Variants in ESCO2 observed in about 807,000 individuals in gnomAD.
The protein encoded by ESCO2 is establishment of sister chromatid cohesion N-acetyltransferase 2.
Under a neutral mutation model 61.7 loss-of-function variants are expected in ESCO2, and 51 were observed. The observed-to-expected ratio is 0.83, with a 90% CI of 0.66 to 1.04. The LOEUF (loss-of-function observed/expected upper bound fraction) is 1.04, where lower values mean the gene tolerates loss of function less well. Ranked by LOEUF, ESCO2 falls within the 50% of genes least tolerant of loss-of-function variation. The pLI is 0.00. For synonymous variants in ESCO2, 230 were observed against 238.2 expected (o/e 0.97, Z 0.32); for missense variants, 692 against 686.2 (o/e 1.01, Z -0.09).
At chr8:27,787,852 G>A (rs1805080904) in intron 5 of ESCO2, 33 bp from the exon 6 acceptor site, 3 of 1,539,364 alleles carry the variant, frequency 1.9e-6, no homozygotes, top group African/African-American at 1.4e-5. Flanking sequence ...CTCCAAAATT[G>A]TAAATTTATA....
downstream of ESCO2, chr8:27,811,085 T>A (rs1441842371): frequency 6.2e-7 from 1 of 1,613,694 alleles, no homozygotes; most frequent in African/African-American, 1.3e-5. Flanking sequence ...CCACAGCTTC[T>A]TTGGGTTTCC....
At chr8:27,789,781 C>CA (rs905844657) in intron 7 of ESCO2, among the ~76,000 whole-genome samples, 4,544 of 56,166 alleles carry the variant, frequency 0.081, 152 homozygotes, top group African/African-American at 0.14. Flanking sequence ...AACTCCATCT[C>CA]AAAAAAAAAA....
At chr8:27,788,625 C>T (rs1805103474) in intron 6 of ESCO2, among the ~76,000 whole-genome samples, 1 of 152,000 alleles carries the variant, frequency 6.6e-6, no homozygotes, top group Non-Finnish European at 1.5e-5. Flanking sequence ...TCCCAAAGTG[C>T]CGAGATTACA....
downstream of ESCO2, among the ~76,000 whole-genome samples, chr8:27,814,633 A>C (rs1585422729): frequency 6.6e-6 from 1 of 152,250 alleles, no homozygotes; most frequent in African/African-American, 2.4e-5. Context: ...TTTCCAATAT[A>C]ATTTACAACT....
chr8:27,789,102 A>C, intron 7 of ESCO2, 124 bp downstream of exon 7: 1 of 1,211,376 alleles, frequency 8.3e-7, no homozygotes, highest in Non-Finnish European at 1.2e-6. Context: ...CAAGCTTACT[A>C]TCTCAATTTA....
At chr8:27,772,128 TA>T (rs1804642908), upstream of ESCO2, 1 of 252,408 alleles carries the variant, frequency 4.0e-6, no homozygotes, top group Admixed American at 5.5e-5. Flanking sequence ...TCACAGGGGA[TA>T]ATTACAAGGG....
At chr8:27,797,923 T>C (rs532244421) in intron 9 of ESCO2, among the ~76,000 whole-genome samples, 1 of 152,348 alleles carries the variant, frequency 6.6e-6, no homozygotes, top group Non-Finnish European at 1.5e-5. Context: ...TAGACTGTTA[T>C]GTCCTGATAA....
At chr8:27,793,307 T>G (rs1805218928) in intron 9 of ESCO2, among the ~76,000 whole-genome samples, 1 of 152,066 alleles carries the variant, frequency 6.6e-6, no homozygotes, top group African/African-American at 2.4e-5. Flanking sequence ...TCAGCTTTAT[T>G]AAGGTATAAC....
chr8:27,809,312 T>C (rs1374131725), downstream of ESCO2, among the ~76,000 whole-genome samples: 3 of 152,242 alleles, frequency 2.0e-5, no homozygotes, highest in East Asian at 1.9e-4. Context: ...TACAATCTTA[T>C]ACCAAAAGGC....
rs1008179419 is a variant in ESCO2, at chr8:27,805,075, G to A, written c.*1637G>A. 9 of 111,514 alleles carry A rather than the reference G, an allele frequency of 8.1e-5. 2 individuals carry two copies. The highest frequency in any genetic ancestry group is 3.8e-4 in the African/African-American group (9 of 23,790). 6.9% of individuals were successfully genotyped at this position (111,514 alleles called of 1,614,324 possible). ...AGGCGGGTGGATCATGAGGTCAGGA[G>A]ATCGAGACCATCCTGGCTAACAAGG... On this transcript the variant is annotated 3_prime_UTR_variant, in exon 11 of 11. Transcript: ENST00000305188.
intron 9 of ESCO2, among the ~76,000 whole-genome samples, chr8:27,796,316 T>G (rs1805295639): frequency 6.6e-6 from 1 of 152,124 alleles, no homozygotes; most frequent in African/African-American, 2.4e-5. Context: ...TAGTTGAGTC[T>G]TCTTTTTTCT....
chr8:27,800,072 C>A (rs754600286), intron 10 of ESCO2, among the ~76,000 whole-genome samples: 5 of 152,014 alleles, frequency 3.3e-5, no homozygotes, highest in Admixed American at 1.3e-4. Context: ...TGTGAAATTA[C>A]GCTTCAATAA....
chr8:27,776,332 C>CT, intron 2 of ESCO2, 30 bp from the exon 3 acceptor site: 1 of 1,565,442 alleles, frequency 6.4e-7, no homozygotes, highest in Non-Finnish European at 8.7e-7. Flanking sequence ...GCAAAATAAT[C>CT]TTATCAATGG....
chr8:27,782,068 G>A (rs536736833), intron 4 of ESCO2, among the ~76,000 whole-genome samples: 10 of 152,098 alleles, frequency 6.6e-5, no homozygotes, highest in African/African-American at 1.7e-4. Flanking sequence ...CCAGCTGGAC[G>A]TTGATATTTC....
intron 5 of ESCO2, among the ~76,000 whole-genome samples, chr8:27,786,329 G>A (rs972869506): frequency 6.6e-6 from 1 of 152,236 alleles, no homozygotes; most frequent in African/African-American, 2.4e-5. Context: ...AGAAAGAGCA[G>A]GGAGGAGGAG....
chr8:27,819,116 T>C, the ESCO2 span, among the ~76,000 whole-genome samples: 331 of 152,296 alleles, frequency 2.2e-3, 2 homozygotes, highest in African/African-American at 7.7e-3. Context: ...ATAAAACTTT[T>C]TATCTGCTCA....
chr8:27,800,640 C>T (rs1449077877), intron 10 of ESCO2, among the ~76,000 whole-genome samples: 1 of 152,058 alleles, frequency 6.6e-6, no homozygotes, highest in East Asian at 1.9e-4. Flanking sequence ...CACACAAAAC[C>T]TTGCACATGA....
At chr8:27,816,067 A>G (rs1478454095), downstream of ESCO2, among the ~76,000 whole-genome samples, 1 of 152,132 alleles carries the variant, frequency 6.6e-6, no homozygotes, top group East Asian at 1.9e-4. Context: ...TTATCCTTCA[A>G]TTCTCAGCTT....
At chr8:27,792,876 A>C in intron 9 of ESCO2, 65 bp downstream of exon 9, 4 of 1,496,760 alleles carry the variant, frequency 2.7e-6, no homozygotes, top group Non-Finnish European at 2.7e-6. Context: ...AGTTGGGAGA[A>C]GTCTCAGCAT....
Sources: gnomAD v4.1 joint callset for allele counts (sites outside exome capture counted in the v4.1 genomes callset) on GRCh38, gnomAD v4.1.1 for gene constraint, MANE v1.5 for transcripts, NCBI Gene and HGNC (gene_info 2026-07-23, HGNC 2026-07-21) for gene names.